LTBP1: variants seen among roughly 807,000 people sequenced by gnomAD.
LTBP1 encodes the protein latent-transforming growth factor beta-binding protein 1.
A neutral mutation model predicts 207.6 loss-of-function variants in LTBP1; 129 were observed. The observed-to-expected ratio is 0.62, with a 90% CI of 0.54 to 0.72. The LOEUF is 0.72. Ranked by LOEUF, LTBP1 falls within the 30% of genes least tolerant of loss-of-function variation. The pLI is 0.00. For synonymous variants in LTBP1, 963 were observed against 833.7 expected (o/e 1.16, Z -2.67); for missense variants, 2,281 against 2,217.2 (o/e 1.03, Z -0.58).
At chr2:33,354,467 G>A (rs918018576) in intron 26 of LTBP1, among the ~76,000 whole-genome samples, 1 of 151,666 alleles carries the variant, frequency 6.6e-6, no homozygotes, top group Non-Finnish European at 1.5e-5. Context: ...AGGAAAATAC[G>A]TTCATTTGTT....
At chr2:32,975,658 C>T (rs1222516573) in intron 2 of LTBP1, among the ~76,000 whole-genome samples, 4 of 113,902 alleles carry the variant, frequency 3.5e-5, no homozygotes, top group African/African-American at 1.3e-4. Flanking sequence ...AGTGTTCAGG[C>T]TCTGAGATTC....
At chr2:33,222,460 G>A (rs191334284) in intron 9 of LTBP1, among the ~76,000 whole-genome samples, 22 of 152,290 alleles carry the variant, frequency 1.4e-4, no homozygotes, top group Non-Finnish European at 2.8e-4. Context: ...TTTCATGGGC[G>A]TGTGCACACA....
intron 2 of LTBP1, among the ~76,000 whole-genome samples, chr2:32,963,547 C>T (rs1451223264): frequency 6.6e-6 from 1 of 152,106 alleles, no homozygotes; most frequent in East Asian, 1.9e-4. Flanking sequence ...ACTGTATGCT[C>T]ACTGAGGAGT....
chr2:33,037,594 A>T (rs1360385373), intron 3 of LTBP1, among the ~76,000 whole-genome samples: 1 of 152,120 alleles, frequency 6.6e-6, no homozygotes, highest in East Asian at 1.9e-4. Flanking sequence ...TACAGTTGTT[A>T]CTGGACTGAT....
At chr2:32,960,716 GTC>G (rs1350288530) in intron 2 of LTBP1, among the ~76,000 whole-genome samples, 5 of 152,196 alleles carry the variant, frequency 3.3e-5, no homozygotes, top group East Asian at 1.9e-4. Context: ...CTAAAAGAAA[GTC>G]TCTATAGGAA....
Position 33,168,204 on chromosome 2 carries a change from A to G in LTBP1, c.1202-18652A>G, listed in dbSNP as rs1399167309. On this transcript the variant is annotated intron_variant, in intron 5 of 33. Coordinates refer to ENST00000404816, the MANE Select transcript of LTBP1 (RefSeq NM_206943.4). ...AGACCAGCCTGGGCAACATAGTGTG[A>G]CACATCTCTACAAAAATAAAAAAAG... Among the ~76,000 whole-genome samples, 5 of 151,920 alleles carry G rather than the reference A, an allele frequency of 3.3e-5. No homozygotes were observed. The East Asian group carries it at 5.8e-4, about 18-fold the overall frequency.
intron 3 of LTBP1, among the ~76,000 whole-genome samples, chr2:33,067,886 A>C (rs932088347): frequency 6.6e-6 from 1 of 152,222 alleles, no homozygotes; most frequent in African/African-American, 2.4e-5. Flanking sequence ...AAATCTATTT[A>C]ACTGTGCAGT....
At chr2:33,352,840 A>G (rs74663716) in intron 26 of LTBP1, among the ~76,000 whole-genome samples, 2 of 152,080 alleles carry the variant, frequency 1.3e-5, no homozygotes, top group South Asian at 2.1e-4. Flanking sequence ...TTTCCGTCCT[A>G]CACTCCTCAT....
At chr2:33,363,094 A>G (rs73927508) in intron 28 of LTBP1, among the ~76,000 whole-genome samples, 1,855 of 152,350 alleles carry the variant, frequency 0.012, 36 homozygotes, top group African/African-American at 0.042. Context: ...CTATGGAACC[A>G]TAGACCATTT....
At chr2:32,979,965 A>G (rs975974999) in intron 2 of LTBP1, among the ~76,000 whole-genome samples, 10 of 151,976 alleles carry the variant, frequency 6.6e-5, no homozygotes, top group African/African-American at 2.2e-4. Context: ...CTTGAAATCT[A>G]TTTTGTCTGA....
chr2:33,097,248 A>G (rs2079448418), intron 3 of LTBP1, among the ~76,000 whole-genome samples: 1 of 152,208 alleles, frequency 6.6e-6, no homozygotes, highest in African/African-American at 2.4e-5. Context: ...TACCCTATAT[A>G]TGCATCTTTT....
chr2:33,313,539 A>G (rs897222520), intron 23 of LTBP1, among the ~76,000 whole-genome samples: 2 of 152,158 alleles, frequency 1.3e-5, no homozygotes, highest in Admixed American at 6.5e-5. Context: ...GCTTTGCAGT[A>G]TTCATGTGGG....
In LTBP1 at chr2:33,217,903, A is replaced by G. The variant is rs551361698; in HGVS notation, c.1804+249A>G. 4.6e-5 allele frequency among the ~76,000 whole-genome samples: 7 copies of G among 152,334 alleles called. No individual in the cohort carries two copies. In the South Asian group the frequency reaches 1.4e-3, roughly 32 times the overall value. Reference sequence around the variant, plus strand: ...ATTACTTATGGGGAAAAAAAGTCTTAAGTGGTAATGAGTTAAAATGGACTT... The same window carrying G: ...ATTACTTATGGGGAAAAAAAGTCTTGAGTGGTAATGAGTTAAAATGGACTT... On this transcript the variant is annotated intron_variant, in intron 8 of 33. Transcript: ENST00000404816.
rs1411383768 is a variant in LTBP1 at position 33,364,206 on chromosome 2, TGC to T, written c.4400-9_4400-8del. On this transcript the variant is annotated splice_region_variant and splice_polypyrimidine_tract_variant and intron_variant, in intron 29 of 33. Coordinates refer to ENST00000404816, the MANE Select transcript of LTBP1 (RefSeq NM_206943.4). Reference sequence around the variant, plus strand: ...GATTTTCTTTAGTAATACTTTTTTTTGCTCTTAAGATATGGATGAATGTCAAG... The same window carrying T: ...GATTTTCTTTAGTAATACTTTTTTTTTCTTAAGATATGGATGAATGTCAAG... 1.9e-6 allele frequency: 3 copies of T among 1,610,930 alleles called. No individual in the cohort carries two copies. Among genetic ancestry groups the T allele is most frequent in the Admixed American group, 1.7e-5 (1 of 59,148 alleles).
chr2:33,356,573 G>A (rs1019627475), intron 26 of LTBP1, among the ~76,000 whole-genome samples: 3 of 152,146 alleles, frequency 2.0e-5, no homozygotes, highest in Non-Finnish European at 4.4e-5. Flanking sequence ...CAGCTATTCA[G>A]GAGGCTGAGG....
intron 24 of LTBP1, chr2:33,318,024 A>C (rs2094297725): frequency 6.6e-6 from 1 of 152,208 alleles, no homozygotes; most frequent in South Asian, 2.1e-4. Context: ...CTAAAACTTT[A>C]TGAGTGCAGA....
At chr2:33,186,740 G>T in intron 5 of LTBP1, 116 bp from the exon 6 acceptor site, 1 of 736,196 alleles carries the variant, frequency 1.4e-6, no homozygotes, top group South Asian at 1.8e-5. Flanking sequence ...ATTTCTAAAG[G>T]TCATGGGACT....
intron 18 of LTBP1, among the ~76,000 whole-genome samples, chr2:33,277,873 AG>A (rs1459420993): frequency 1.5e-5 from 2 of 131,530 alleles, no homozygotes; most frequent in Non-Finnish European, 3.1e-5. Flanking sequence ...TCTGTCGCCC[AG>A]GCTGGAGTGC....
chr2:33,262,540 C>CTTTTTTTTT (rs369761322), intron 13 of LTBP1, among the ~76,000 whole-genome samples, 182 bp from the exon 14 acceptor site: 1 of 98,496 alleles, frequency 1.0e-5, no homozygotes, highest in Non-Finnish European at 2.2e-5. Flanking sequence ...ATCAAAGGTT[C>CTTTTTTTTT]TTTTTTTTTT....
Sources: gnomAD v4.1 joint callset for allele counts (sites outside exome capture counted in the v4.1 genomes callset) on GRCh38, gnomAD v4.1.1 for gene constraint, MANE v1.5 for transcripts, NCBI Gene and HGNC (gene_info 2026-07-23, HGNC 2026-07-21) for gene names.